FER: variants seen among roughly 807,000 people sequenced by gnomAD.
FER encodes FER tyrosine kinase.
FER carries 63 observed loss-of-function variants against 111.0 expected under a neutral mutation model. The observed-to-expected ratio is 0.57, with a 90% CI of 0.46 to 0.70. The LOEUF is 0.70. Ranked by LOEUF, FER falls within the 30% of genes least tolerant of loss-of-function variation. FER has a pLI of 0.00. For synonymous variants in FER, 327 were observed against 313.9 expected (o/e 1.04, Z -0.44); for missense variants, 914 against 954.0 (o/e 0.96, Z 0.55).
chr5:108,798,432 A>C, intron 3 of FER, 43 bp downstream of exon 3: 1 of 1,479,344 alleles, frequency 6.8e-7, no homozygotes, highest in African/African-American at 1.4e-5. Context: ...TAACATTATA[A>C]TTGTCCTTAA....
intron 16 of FER, among the ~76,000 whole-genome samples, chr5:109,062,922 T>C (rs1235846942): frequency 6.6e-6 from 1 of 152,208 alleles, no homozygotes. Context: ...AATTTTAAAA[T>C]GACTTATGAC....
intron 14 of FER, among the ~76,000 whole-genome samples, chr5:109,040,336 A>C (rs1224209131): frequency 6.6e-6 from 1 of 152,120 alleles, no homozygotes; most frequent in South Asian, 2.1e-4. Flanking sequence ...AGCCTTGCCC[A>C]CTCGAACATT....
intron 10 of FER, among the ~76,000 whole-genome samples, chr5:108,944,108 T>TACAC (rs34138754): frequency 0.047 from 6,855 of 145,690 alleles, 158 homozygotes; most frequent in East Asian, 0.065. Context: ...TGTGTATGTG[T>TACAC]ACACACACAC....
Position 109,052,068 on chromosome 5 carries a change from A to C in FER, c.1924+4870A>C, listed in dbSNP as rs1364470449. On this transcript the variant is annotated intron_variant, in intron 16 of 19. Transcript: ENST00000281092. Reference sequence around the variant, plus strand: ...TACCATACTTGAACTTCTTTATCTCAATCTGCTTCAAGTGCATCTCCACAT... The same window carrying C: ...TACCATACTTGAACTTCTTTATCTCCATCTGCTTCAAGTGCATCTCCACAT... The C allele has an allele frequency of 3.7e-6, 6 of 1,603,168 alleles. No homozygotes were observed. The East Asian group carries it at 1.3e-4, about 36-fold the overall frequency.
At chr5:108,907,035 C>T (rs1016688152) in intron 10 of FER, among the ~76,000 whole-genome samples, 4 of 152,048 alleles carry the variant, frequency 2.6e-5, no homozygotes, top group Non-Finnish European at 5.9e-5. Context: ...GATTTTCACC[C>T]GCTAAACTAC....
intron 3 of FER, among the ~76,000 whole-genome samples, chr5:108,820,717 T>C (rs909349296): frequency 6.6e-6 from 1 of 152,200 alleles, no homozygotes; most frequent in Non-Finnish European, 1.5e-5. Flanking sequence ...TTTGATTATA[T>C]TGGTTTTATT....
intron 1 of FER, among the ~76,000 whole-genome samples, chr5:108,753,650 C>T (rs1230398076): frequency 6.6e-6 from 1 of 152,048 alleles, no homozygotes; most frequent in African/African-American, 2.4e-5. Context: ...TTTAATAATA[C>T]CCTTATTTGT....
At chr5:108,878,730 C>A (rs911427742) in intron 8 of FER, among the ~76,000 whole-genome samples, 10 of 152,090 alleles carry the variant, frequency 6.6e-5, no homozygotes, top group African/African-American at 2.4e-4. Flanking sequence ...TGGAAGGGAT[C>A]ATGCAAGTGA....
At chr5:108,798,717 A>G (rs1756315994) in intron 3 of FER, among the ~76,000 whole-genome samples, 1 of 152,106 alleles carries the variant, frequency 6.6e-6, no homozygotes, top group Non-Finnish European at 1.5e-5. Context: ...GCGTGGTAGC[A>G]TGTGACTGTA....
intron 5 of FER, among the ~76,000 whole-genome samples, chr5:108,861,649 A>G (rs75502096): frequency 0.07 from 10,602 of 152,244 alleles, 403 homozygotes; most frequent in Non-Finnish European, 0.082. Context: ...TTTTCATTCT[A>G]TGTACTTCAC....
intron 17 of FER, among the ~76,000 whole-genome samples, chr5:109,122,652 A>G (rs540394696): frequency 6.6e-6 from 1 of 152,184 alleles, no homozygotes; most frequent in East Asian, 1.9e-4. Flanking sequence ...GGTATGTCCA[A>G]TGCGGAAAGT....
At chr5:109,053,098 T>TG (rs1278597170) in intron 16 of FER, among the ~76,000 whole-genome samples, 2 of 152,110 alleles carry the variant, frequency 1.3e-5, no homozygotes, top group African/African-American at 4.8e-5. Context: ...AGAAAAGTAA[T>TG]GGAGGCGGCC....
chr5:108,969,674 G>A (rs1392611500), intron 13 of FER, among the ~76,000 whole-genome samples: 1 of 145,672 alleles, frequency 6.9e-6, no homozygotes, highest in African/African-American at 2.8e-5. Flanking sequence ...TTGAAAACAT[G>A]GCACCTGTCC....
At chr5:108,947,153 C>T (rs930914772) in intron 11 of FER, among the ~76,000 whole-genome samples, 16 of 151,888 alleles carry the variant, frequency 1.1e-4, no homozygotes, top group African/African-American at 3.9e-4. Context: ...CTGCTATGAA[C>T]GTTCGTTTTC....
chr5:108,916,689 T>C (rs116752111), intron 10 of FER, among the ~76,000 whole-genome samples: 2,626 of 152,262 alleles, frequency 0.017, 61 homozygotes, highest in African/African-American at 0.06. Context: ...TAGTCTTTGC[T>C]ATTTATTAGG....
At chr5:109,117,194 C>A (rs554514806) in intron 17 of FER, among the ~76,000 whole-genome samples, 4 of 152,030 alleles carry the variant, frequency 2.6e-5, no homozygotes, top group Admixed American at 6.6e-5. Flanking sequence ...GAATGGCAAA[C>A]CAGAAAGATT....
chr5:108,807,878 A>T (rs1757363839), intron 3 of FER, among the ~76,000 whole-genome samples: 1 of 151,884 alleles, frequency 6.6e-6, no homozygotes, highest in Non-Finnish European at 1.5e-5. Flanking sequence ...GTTTACCCAC[A>T]AGTCATTCTG....
chr5:108,873,795 C>A (rs1325748176), intron 8 of FER, among the ~76,000 whole-genome samples: 19 of 152,152 alleles, frequency 1.2e-4, no homozygotes, highest in Non-Finnish European at 5.9e-5. Flanking sequence ...GCCGTAGATG[C>A]TGCTAAACGT....
chr5:108,889,219 AAAGAAGGG>A, intron 9 of FER, among the ~76,000 whole-genome samples: 1 of 152,040 alleles, frequency 6.6e-6, no homozygotes, highest in East Asian at 1.9e-4. Context: ...TATATACTCA[AAAGAAGGG>A]AAGTCAGTGT....
Sources: allele counts gnomAD v4.1 joint callset (sites outside exome capture counted in the v4.1 genomes callset), GRCh38; gene constraint gnomAD v4.1.1; transcripts MANE v1.5; gene names NCBI Gene and HGNC (gene_info 2026-07-23, HGNC 2026-07-21).